CYP1A2: variants seen among roughly 807,000 people sequenced by gnomAD.
CYP1A2 encodes the protein cytochrome P450 1A2.
A neutral mutation model predicts 34.7 loss-of-function variants in CYP1A2; 35 were observed. The ratio of observed to expected loss-of-function variants is 1.01; its 90% CI spans 0.77 to 1.34. The LOEUF is 1.34. Among genes scored for constraint, CYP1A2 ranks in the 40% most tolerant of loss-of-function variants. The probability of loss-of-function intolerance (pLI) is 0.00; values close to 1 mark genes in which losing one functional copy is unlikely to be tolerated. For synonymous variants in CYP1A2, 288 were observed against 281.9 expected (o/e 1.02, Z -0.22); for missense variants, 675 against 675.8 (o/e 1.00, Z 0.01).
chr15:74,750,656 G>A, intron 2 of CYP1A2, 87 bp downstream of exon 2: 1 of 1,184,562 alleles, frequency 8.4e-7, no homozygotes, highest in Middle Eastern at 2.4e-4. Flanking sequence ...CCACACAGCT[G>A]CTGTGTTGCC....
chr15:74,754,757 C>G (rs1479926780), intron 6 of CYP1A2, 34 bp from the exon 7 acceptor site: 1 of 1,592,576 alleles, frequency 6.3e-7, no homozygotes, highest in Non-Finnish European at 8.6e-7. Context: ...GCCTCTCCAG[C>G]CCTGAGGTCC....
rs2141739146 is a variant in CYP1A2, at chr15:74,752,180, T to A, written c.1099T>A (p.Tyr367Asn). 6.2e-7 allele frequency: 1 copy of A among 1,614,076 alleles called. No homozygotes were observed. The highest frequency in any genetic ancestry group is 1.3e-5 in the African/African-American group (1 of 75,004). ...GCTCTCTGACAGACCCCAGCTGCCC[T>A]ACTTGGAGGCCTTCATCCTGGAGAC... is the stretch of plus-strand genomic sequence containing the variant. ...PRLSDRPQLP[Y>N]LEAFILETFR... The change falls in exon 5 of 7, where the codon TAC becomes AAC. Residue 367 changes from tyrosine (Y) to asparagine (N), a missense_variant. By Grantham distance (143) the Tyr-to-Asn change is moderately radical. Transcript: ENST00000343932.
chr15:74,754,842 C>A lies in CYP1A2; in HGVS notation c.1305C>A (p.Ala435=). The A allele has an allele frequency of 1.2e-6, 2 of 1,614,126 alleles. No homozygotes were observed. The highest frequency in any genetic ancestry group is 1.3e-5 in the African/African-American group (1 of 75,034). The change falls in exon 7 of 7, where the codon GCC becomes GCA. Residue 435 remains alanine (A), a synonymous_variant. Transcript: ENST00000343932. ...SEFRPERFLT[A]DGTAINKPLS... Reference sequence around the variant, plus strand: ...TCCGGCCTGAGCGGTTCCTCACCGCCGATGGCACTGCCATTAACAAGCCCT... The same window carrying A: ...TCCGGCCTGAGCGGTTCCTCACCGCAGATGGCACTGCCATTAACAAGCCCT...
At position 74,752,167 on chromosome 15, in the gene CYP1A2, A is replaced by C. The variant is rs1596358382; in HGVS notation, c.1086A>C (p.Arg362Ser). ...AGCGGCGGCCCCGGCTCTCTGACAG[A>C]CCCCAGCTGCCCTACTTGGAGGCCT... ...GRERRPRLSD[R>S]PQLPYLEAFI... The change falls in exon 5 of 7, where the codon AGA (arginine) becomes AGC (serine). Residue 362 changes from arginine (R) to serine (S), a missense_variant. Transcript: ENST00000343932. The C allele has an allele frequency of 6.2e-7, 1 of 1,613,814 alleles. No homozygotes were observed. The highest frequency in any genetic ancestry group is 8.5e-7 in the Non-Finnish European group (1 of 1,179,918).
rs374699009 is a variant in CYP1A2 at position 74,750,572 on chromosome 15, G to A, written c.831+3G>A. On this transcript the variant is annotated splice_donor_region_variant and intron_variant, in intron 2 of 6. Coordinates refer to ENST00000343932, the MANE Select transcript of CYP1A2 (RefSeq NM_000761.5). ...AGCACTATCAGGACTTTGACAAGGT[G>A]AGCCCGGGGTGCAGGTGGCAAGGGG... 4.3e-6 allele frequency: 7 copies of A among 1,611,174 alleles called. No homozygotes were observed. Among genetic ancestry groups the A allele is most frequent in the African/African-American group, 4.0e-5 (3 of 74,804 alleles).
At position 74,755,062 on chromosome 15, in the gene CYP1A2, G is replaced by T; in HGVS notation, c.1525G>T (p.Ala509Ser). The T allele has an allele frequency of 6.2e-7, 1 of 1,609,886 alleles. No homozygotes were observed. Reference protein sequence around the residue: ...MKHARCEHVQARLRFSIN With the variant: ...MKHARCEHVQSRLRFSIN ...GCACGCCCGCTGTGAACATGTCCAGGCGCGGCTGCGCTTCTCCATCAATTG... is the reference window on the plus strand; with the variant it reads ...GCACGCCCGCTGTGAACATGTCCAGTCGCGGCTGCGCTTCTCCATCAATTG... The change falls in exon 7 of 7, where the codon GCG becomes TCG. Residue 509 changes from alanine to serine, a missense_variant. Ala to Ser is a moderately conservative substitution (Grantham distance 99). Coordinates refer to ENST00000343932, the MANE Select transcript of CYP1A2 (RefSeq NM_000761.5).
Position 74,752,154 on chromosome 15 carries a change from G to C in CYP1A2, c.1073G>C (p.Arg358Pro). ...GTGATTGGCAGGGAGCGGCGGCCCC[G>C]GCTCTCTGACAGACCCCAGCTGCCC... ...DTVIGRERRP[R>P]LSDRPQLPYL... Residue 358 changes from arginine to proline, a missense_variant, in exon 5 of 7, where the codon CGG (arginine) becomes CCG (proline). Coordinates refer to ENST00000343932, the MANE Select transcript of CYP1A2 (RefSeq NM_000761.5). 6.2e-7 allele frequency: 1 copy of C among 1,613,996 alleles called. No individual in the cohort carries two copies. Among genetic ancestry groups the C allele is most frequent in the Non-Finnish European group, 8.5e-7 (1 of 1,179,976 alleles).
In CYP1A2 at chr15:74,753,175, C is replaced by T. The variant is rs552580628; in HGVS notation, c.1167-9C>T. On this transcript the variant is annotated splice_polypyrimidine_tract_variant and intron_variant, in intron 5 of 6. Coordinates refer to ENST00000343932, the MANE Select transcript of CYP1A2 (RefSeq NM_000761.5). The stretch of plus-strand genomic sequence containing the variant: ...CCCTGAGCCTCACAGTGCCCTCTTC[C>T]CTCCTCAGCACAACAAGGGACACAA... The T allele has an allele frequency of 1.2e-6, 2 of 1,612,612 alleles. No individual in the cohort carries two copies. The highest frequency in any genetic ancestry group is 1.7e-6 in the Non-Finnish European group (2 of 1,179,020).
intron 5 of CYP1A2, among the ~76,000 whole-genome samples, 194 bp from the exon 6 acceptor site, chr15:74,752,990 A>C (rs1385117107): frequency 1.3e-5 from 2 of 151,620 alleles, no homozygotes; most frequent in Non-Finnish European, 2.9e-5. Context: ...AGTTTAGTAA[A>C]TACTTGCTGA....
chr15:74,750,287 T>G lies in CYP1A2; in HGVS notation c.549T>G (p.Pro183=). The change falls in exon 2 of 7, where the codon CCT becomes CCG. Residue 183 remains proline, a synonymous_variant. Transcript: ENST00000343932. ...ISRLQELMAG[P]GHFDPYNQVV... ...GGTTGCAGGAGCTGATGGCAGGGCC[T>G]GGGCACTTCGACCCTTACAATCAGG... The G allele has an allele frequency of 6.2e-7, 1 of 1,614,222 alleles. No homozygotes were observed. Among genetic ancestry groups the G allele is most frequent in the Non-Finnish European group, 8.5e-7 (1 of 1,180,040 alleles).
At chr15:74,753,024 A>T (rs574157884) in intron 5 of CYP1A2, among the ~76,000 whole-genome samples, 160 bp from the exon 6 acceptor site, 8 of 152,148 alleles carry the variant, frequency 5.3e-5, no homozygotes, top group African/African-American at 1.9e-4. Context: ...GACGCAAGGA[A>T]GAGGGAGGAT....
chr15:74,754,791 A>C lies in CYP1A2; in HGVS notation c.1254A>C (p.Pro418=). 6.2e-7 allele frequency: 1 copy of C among 1,608,806 alleles called. No individual in the cohort carries two copies. Among genetic ancestry groups the C allele is most frequent in the Non-Finnish European group, 8.5e-7 (1 of 1,175,446 alleles). Residue 418 remains proline, a splice_region_variant and synonymous_variant, in exon 7 of 7, where the codon CCA becomes CCC. Coordinates refer to ENST00000343932, the MANE Select transcript of CYP1A2 (RefSeq NM_000761.5). ...CCCATCTCCTCTGTTCCTCTTGCAG[A>C]GAGCTGTGGGAGGACCCCTCTGAGT... ...FVNQWQVNHD[P]ELWEDPSEFR... is the part of the protein sequence containing the mutation.
At chr15:74,753,374 A>T in intron 6 of CYP1A2, 104 bp downstream of exon 6, 1 of 877,280 alleles carries the variant, frequency 1.1e-6, no homozygotes, top group South Asian at 1.6e-5. Flanking sequence ...GGGGACCTCA[A>T]TTGCTATAGT....
rs1347844337 is a variant in CYP1A2, at chr15:74,756,001, G to C, written c.*913G>C. On this transcript the variant is annotated 3_prime_UTR_variant, in exon 7 of 7. Transcript: ENST00000343932. ...CCAGCTAATTTTTGTATTTTTAGTAGAGACGAGGTTTCACTGTGTTGGCCA... is the reference window on the plus strand; with the variant it reads ...CCAGCTAATTTTTGTATTTTTAGTACAGACGAGGTTTCACTGTGTTGGCCA... The C allele has an allele frequency of 6.6e-6, 1 of 151,918 alleles. No homozygotes were observed. Among genetic ancestry groups the C allele is most frequent in the Admixed American group, 6.6e-5 (1 of 15,226 alleles). The allele number at this position is 151,918 out of a possible 1,614,324, so 9.4% of individuals were successfully genotyped here. A position where few individuals can be genotyped will look rare whatever the true frequency, so the allele number is the denominator to read the frequency against.
At chr15:74,754,428 A>G (rs1374718127) in intron 6 of CYP1A2, among the ~76,000 whole-genome samples, 2 of 105,436 alleles carry the variant, frequency 1.9e-5, no homozygotes, top group African/African-American at 8.5e-5. Context: ...CCGTCTCTGC[A>G]AAAAAAAAAA....
At chr15:74,751,128 G>T (rs2063313383) in intron 2 of CYP1A2, 61 bp from the exon 3 acceptor site, 3 of 1,599,708 alleles carry the variant, frequency 1.9e-6, no homozygotes, top group Non-Finnish European at 2.6e-6. Flanking sequence ...GGGGAGTGGA[G>T]CAACGTTCAG....
At chr15:74,750,942 T>G (rs1038271935) in intron 2 of CYP1A2, among the ~76,000 whole-genome samples, 2 of 152,146 alleles carry the variant, frequency 1.3e-5, no homozygotes, top group Non-Finnish European at 2.9e-5. Flanking sequence ...CACACTAACC[T>G]TTTCCTTCTT....
At chr15:74,751,881 CCAG>C in intron 4 of CYP1A2, 27 bp downstream of exon 4, 1 of 1,606,212 alleles carries the variant, frequency 6.2e-7, no homozygotes, top group African/African-American at 1.3e-5. Flanking sequence ...AACCCTATAG[CCAG>C]GAGAAGCCTT....
At chr15:74,754,671 C>T in intron 6 of CYP1A2, 120 bp from the exon 7 acceptor site, 3 of 904,858 alleles carry the variant, frequency 3.3e-6, no homozygotes, top group Admixed American at 2.3e-5. Context: ...TCCCACCTAC[C>T]CTTCATTGCT....
Sources: gnomAD v4.1 joint callset for allele counts (sites outside exome capture counted in the v4.1 genomes callset) on GRCh38, gnomAD v4.1.1 for gene constraint, MANE v1.5 for transcripts, NCBI Gene and HGNC (gene_info 2026-07-23, HGNC 2026-07-21) for gene names.